Variants in KIAA0586 observed in about 807,000 individuals in gnomAD.
The protein encoded by KIAA0586 is protein TALPID3.
A neutral mutation model predicts 169.8 loss-of-function variants in KIAA0586; 144 were observed. The observed-to-expected ratio is 0.85, with a 90% CI of 0.74 to 0.97. KIAA0586 has a LOEUF of 0.97. Ranked by LOEUF, KIAA0586 falls within the 50% of genes least tolerant of loss-of-function variation. The pLI, the probability that KIAA0586 is intolerant of heterozygous loss-of-function variation, is 0.00. For synonymous variants in KIAA0586, 625 were observed against 612.4 expected, an observed-to-expected ratio of 1.02 and a Z score of -0.30; for missense variants, 1,854 against 1,823.0, an observed-to-expected ratio of 1.02 and a Z score of -0.31.
Position 58,442,739 on chromosome 14 carries a change from G to A in KIAA0586, c.444G>A (p.Lys148=). The change falls in exon 5 of 31, where the codon AAG becomes AAA. Residue 148 remains lysine (K), a synonymous_variant. Transcript: ENST00000652326. ...AQSMPVFKEV[K]VHLLEDAGIE... ...GCATGCCTGTTTTTAAGGAAGTAAA[G>A]GTACATCTGTTAGAAGATGCAGGCA... 1 of 1,585,088 alleles carries A rather than the reference G, an allele frequency of 6.3e-7. No individual in the cohort carries two copies.
At chr14:58,521,704 C>T (rs1429981144) in intron 29 of KIAA0586, 3 of 872,384 alleles carry the variant, frequency 3.4e-6, no homozygotes, top group Non-Finnish European at 5.9e-6. Context: ...TGGATTCTCT[C>T]TTAGAAAACC....
At chr14:58,503,262 A>T (rs2043702944) in intron 27 of KIAA0586, among the ~76,000 whole-genome samples, 1 of 152,198 alleles carries the variant, frequency 6.6e-6, no homozygotes, top group Non-Finnish European at 1.5e-5. Context: ...CTCTCAAGAT[A>T]TTTACTAACT....
chr14:58,444,867 G>T (rs1231679153), intron 6 of KIAA0586, among the ~76,000 whole-genome samples: 1 of 147,040 alleles, frequency 6.8e-6, no homozygotes, highest in Admixed American at 7.0e-5. Flanking sequence ...GCTTGAGGCC[G>T]AGAGTTCAAG....
Position 58,550,343 on chromosome 14 carries a change from C to T in KIAA0586, c.*2411C>T, listed in dbSNP as rs954190232. 11 of 152,128 alleles carry T rather than the reference C, an allele frequency of 7.2e-5. No individual in the cohort carries two copies. The highest frequency in any genetic ancestry group is 2.7e-4 in the African/African-American group (11 of 41,418). The allele number at this position is 152,128 out of a possible 1,614,324, so 9.4% of individuals were successfully genotyped here. A position where few individuals can be genotyped will look rare whatever the true frequency, so the allele number is the denominator to read the frequency against. ...ATAGGATTATTTCTGTTCATGGTTA[C>T]TCCTGTACACATTCCTCTGCCAACC... On this transcript the variant is annotated 3_prime_UTR_variant, in exon 31 of 31. Coordinates refer to ENST00000652326, the MANE Select transcript of KIAA0586 (RefSeq NM_001329943.3).
At chr14:58,521,690 A>C in intron 29 of KIAA0586, 1 of 913,216 alleles carries the variant, frequency 1.1e-6, no homozygotes, top group Non-Finnish European at 1.8e-6. Flanking sequence ...GATAAAACAA[A>C]AAGTGGATTC....
rs534612671 is a variant in KIAA0586, at chr14:58,434,909, C to G, written c.410+2452C>G. 9.2e-5 allele frequency among the ~76,000 whole-genome samples: 14 copies of G among 152,070 alleles called. No homozygotes were observed. The East Asian group carries it at 1.4e-3, about 15-fold the overall frequency. Reference sequence around the variant, plus strand: ...CCTGAGGTCCCCCTAACCGCCCCCCCGCCAGAGTAGCTGGGACTACAGGCA... The same window carrying G: ...CCTGAGGTCCCCCTAACCGCCCCCCGGCCAGAGTAGCTGGGACTACAGGCA... On this transcript the variant is annotated intron_variant, in intron 4 of 30. Transcript: ENST00000652326.
intron 29 of KIAA0586, among the ~76,000 whole-genome samples, chr14:58,539,260 GA>G (rs1345284624): frequency 1.3e-5 from 2 of 151,898 alleles, no homozygotes; most frequent in Middle Eastern, 6.3e-3. Flanking sequence ...AAATTTTTGT[GA>G]AATAAATGAA....
In KIAA0586 at chr14:58,457,946, T is replaced by C. The variant is rs759913176; in HGVS notation, c.1550T>C (p.Met517Thr). ...AIIRAKDGAA[M>T]YSLINALSTN... ...ATTCGTGCAAAAGATGGAGCTGCCATGTATTCGCTTATCAATGCTTTATCT... is the reference window on the plus strand; with the variant it reads ...ATTCGTGCAAAAGATGGAGCTGCCACGTATTCGCTTATCAATGCTTTATCT... Residue 517 changes from methionine (M) to threonine (T), a missense_variant, in exon 11 of 31, where the codon ATG (methionine) becomes ACG (threonine). By Grantham distance (81) the Met-to-Thr change is moderately conservative (BLOSUM62 -1). Coordinates refer to ENST00000652326, the MANE Select transcript of KIAA0586 (RefSeq NM_001329943.3). 1 of 1,599,338 alleles carries C rather than the reference T, an allele frequency of 6.3e-7. No individual in the cohort carries two copies. The highest frequency in any genetic ancestry group is 8.5e-7 in the Non-Finnish European group (1 of 1,172,100).
In KIAA0586 at chr14:58,515,885, TATAATAA is replaced by T. The variant is rs1363022165; in HGVS notation, c.4429+3260_4429+3266del. ...GAAAGAGTGTCACTTTCACCCTAACTATAATAAAATGTCAGATAAACTACAAAATCAT... is the reference window on the plus strand; with the variant it reads ...GAAAGAGTGTCACTTTCACCCTAACTAATGTCAGATAAACTACAAAATCAT... On this transcript the variant is annotated intron_variant, in intron 29 of 30. Transcript: ENST00000652326. Among the ~76,000 whole-genome samples, 429 of 152,260 alleles carry T rather than the reference TATAATAA, an allele frequency of 2.8e-3. 4 individuals carry two copies. The highest frequency in any genetic ancestry group is 9.9e-3 in the African/African-American group (411 of 41,552).
At chr14:58,443,049 G>A (rs1236792608) in intron 5 of KIAA0586, among the ~76,000 whole-genome samples, 169 bp downstream of exon 5, 4 of 152,224 alleles carry the variant, frequency 2.6e-5, no homozygotes, top group Admixed American at 2.6e-4. Context: ...CTCAGGAAAT[G>A]TGAAAATTAC....
chr14:58,501,149 C>T (rs911072232), intron 27 of KIAA0586, among the ~76,000 whole-genome samples: 18 of 152,016 alleles, frequency 1.2e-4, no homozygotes, highest in African/African-American at 4.3e-4. Flanking sequence ...TGCAGATTTG[C>T]CAGAAATCAG....
intron 19 of KIAA0586, among the ~76,000 whole-genome samples, chr14:58,476,754 AC>A (rs1402763825): frequency 6.7e-6 from 1 of 149,242 alleles, no homozygotes; most frequent in Non-Finnish European, 1.5e-5. Context: ...TGCAGCCTCA[AC>A]CTCGTGGGCT....
intron 29 of KIAA0586, among the ~76,000 whole-genome samples, chr14:58,519,857 GGAA>G (rs764462038): frequency 1.3e-5 from 2 of 152,086 alleles, no homozygotes; most frequent in Non-Finnish European, 2.9e-5. Flanking sequence ...GTAATAAGAC[GGAA>G]GAAGGAAGGG....
chr14:58,460,623 A>T (rs1344576719), intron 13 of KIAA0586, among the ~76,000 whole-genome samples: 3 of 152,124 alleles, frequency 2.0e-5, no homozygotes, highest in African/African-American at 7.2e-5. Context: ...CATTTAGATT[A>T]TGGTTGAAGG....
chr14:58,427,504 G>A (rs1199340097), upstream of KIAA0586: 7 of 1,278,054 alleles, frequency 5.5e-6, no homozygotes, highest in Admixed American at 1.0e-4. Flanking sequence ...AGACTGTAGA[G>A]CGGTCTTGTG....
At chr14:58,459,262 T>C (rs2040129397) in intron 12 of KIAA0586, among the ~76,000 whole-genome samples, 1 of 152,088 alleles carries the variant, frequency 6.6e-6, no homozygotes, top group South Asian at 2.1e-4. Flanking sequence ...TGTTGAAGAA[T>C]ATATATTTCT....
At chr14:58,432,344 A>G in intron 3 of KIAA0586, 44 bp from the exon 4 acceptor site, 1 of 1,167,182 alleles carries the variant, frequency 8.6e-7, no homozygotes, top group Non-Finnish European at 1.2e-6. Context: ...AGTTTAATAA[A>G]TATTCAGGAA....
intron 20 of KIAA0586, among the ~76,000 whole-genome samples, chr14:58,478,504 A>G (rs1182075312): frequency 2.0e-5 from 3 of 152,020 alleles, no homozygotes; most frequent in Admixed American, 6.6e-5. Context: ...CAATCAGTCA[A>G]TCAATTTGGT....
At chr14:58,544,117 G>T (rs188971467) in intron 30 of KIAA0586, 1 of 273,758 alleles carries the variant, frequency 3.7e-6, no homozygotes, top group Admixed American at 4.9e-5. Flanking sequence ...AGAACATGCA[G>T]TATTTGGTTT....
Sources: allele counts gnomAD v4.1 joint callset (sites outside exome capture counted in the v4.1 genomes callset), GRCh38; gene constraint gnomAD v4.1.1; transcripts MANE v1.5; gene names NCBI Gene and HGNC (gene_info 2026-07-23, HGNC 2026-07-21).